Variants in PRKCI observed in about 807,000 individuals in gnomAD.
The protein encoded by PRKCI is protein kinase C iota, also known as protein kinase C iota type.
Under a neutral mutation model 84.0 loss-of-function variants are expected in PRKCI, and 43 were observed. The observed-to-expected ratio is 0.51, with a 90% CI of 0.40 to 0.66. The LOEUF is 0.66. Ranked by LOEUF, PRKCI falls within the 30% of genes least tolerant of loss-of-function variation. PRKCI has a pLI of 0.00. For missense variants in PRKCI, 459 were observed against 745.6 expected, an observed-to-expected ratio of 0.62 and a Z score of 4.48; for synonymous variants, 216 against 234.4, an observed-to-expected ratio of 0.92 and a Z score of 0.72.
chr3:170,280,096 A>G, intron 8 of PRKCI, 131 bp from the exon 9 acceptor site: 1 of 828,324 alleles, frequency 1.2e-6, no homozygotes, highest in Non-Finnish European at 1.7e-6. Context: ...TTTGAAAAAT[A>G]TTAAGAACTT....
chr3:170,285,106 G>T (rs1324404361), intron 12 of PRKCI, among the ~76,000 whole-genome samples: 4 of 148,836 alleles, frequency 2.7e-5, no homozygotes, highest in African/African-American at 7.4e-5. Flanking sequence ...TTGAGACAGG[G>T]TCTTGCTCTG....
chr3:170,230,590 G>A (rs745570072), intron 1 of PRKCI, among the ~76,000 whole-genome samples: 16 of 152,220 alleles, frequency 1.1e-4, no homozygotes, highest in African/African-American at 1.9e-4. Context: ...GTGGCCTCCC[G>A]AAGTGCTGGG....
At position 170,290,469 on chromosome 3, in the gene PRKCI, C is replaced by T. The variant is rs77445087; in HGVS notation, c.1204-1385C>T. ...AGTCTCTCTCTCTAATGTCTCTCTT[C>T]CTTCTCCCTCACTCCACACACACAT... On this transcript the variant is annotated intron_variant, in intron 12 of 17. Transcript: ENST00000295797. Among the ~76,000 whole-genome samples, 606 of 151,784 alleles carry T rather than the reference C, an allele frequency of 4.0e-3. 6 individuals are homozygous for T. Among genetic ancestry groups the T allele is most frequent in the African/African-American group, 0.014 (582 of 41,398 alleles).
intron 14 of PRKCI, among the ~76,000 whole-genome samples, chr3:170,293,873 G>T (rs914185452): frequency 3.3e-5 from 5 of 152,222 alleles, no homozygotes; most frequent in African/African-American, 9.6e-5. Context: ...TAGAGACAGG[G>T]TCTCACCATG....
At chr3:170,283,037 G>A (rs541620356) in intron 11 of PRKCI, among the ~76,000 whole-genome samples, 7 of 151,890 alleles carry the variant, frequency 4.6e-5, no homozygotes, top group African/African-American at 9.7e-5. Flanking sequence ...CCCGGGAGGC[G>A]GAGGTTGCAG....
At chr3:170,293,199 A>G in intron 13 of PRKCI, 184 bp from the exon 14 acceptor site, 1 of 454,500 alleles carries the variant, frequency 2.2e-6, no homozygotes, top group South Asian at 5.2e-5. Flanking sequence ...ATTATCTTTT[A>G]GGTACCTACC....
chr3:170,259,993 A>G lies in PRKCI; in HGVS notation c.248A>G (p.Gln83Arg). 6.2e-7 allele frequency: 1 copy of G among 1,612,778 alleles called. No homozygotes were observed. The highest frequency in any genetic ancestry group is 8.5e-7 in the Non-Finnish European group (1 of 1,179,288). The change falls in exon 3 of 18, where the codon CAG (glutamine) becomes CGG (arginine). Residue 83 changes from glutamine (Q) to arginine (R), a missense_variant. Gln to Arg is a conservative substitution (Grantham distance 43). Around this residue, in one of 2 missense-constraint regions of PRKCI, gnomAD observed 250 missense variants for 319.7 expected, o/e 0.78. Coordinates refer to ENST00000295797, the MANE Select transcript of PRKCI (RefSeq NM_002740.6). ...EEGDPCTVSS[Q>R]LELEEAFRLY... ...GGAGACCCGTGTACAGTATCATCTC[A>G]GTTGGAGTTAGAAGAAGCCTTTAGA... is the stretch of plus-strand genomic sequence containing the variant.
chr3:170,223,267 A>G (rs529617970), intron 1 of PRKCI, among the ~76,000 whole-genome samples: 4 of 152,252 alleles, frequency 2.6e-5, no homozygotes, highest in African/African-American at 9.6e-5. Flanking sequence ...CGTTGTGTTC[A>G]CGTAGTGTAT....
chr3:170,235,972 G>A (rs1415852996), intron 2 of PRKCI, among the ~76,000 whole-genome samples: 1 of 151,140 alleles, frequency 6.6e-6, no homozygotes, highest in East Asian at 1.9e-4. Context: ...ATTTTTTAAA[G>A]ACAGGGTCTT....
intron 1 of PRKCI, among the ~76,000 whole-genome samples, chr3:170,224,106 C>T (rs1330254992): frequency 7.4e-6 from 1 of 135,904 alleles, no homozygotes; most frequent in African/African-American, 2.7e-5. Context: ...GTGATGTTCC[C>T]CTTCCTGTGT....
intron 2 of PRKCI, among the ~76,000 whole-genome samples, chr3:170,240,637 G>A (rs1733106968): frequency 6.6e-6 from 1 of 152,078 alleles, no homozygotes; most frequent in Admixed American, 6.6e-5. Flanking sequence ...TTTTAATCAT[G>A]TAGGCATTGG....
Position 170,267,819 on chromosome 3 carries a change from C to T in PRKCI, c.365-96C>T, listed in dbSNP as rs1156465471. 9.1e-6 allele frequency: 7 copies of T among 767,896 alleles called. No individual in the cohort carries two copies. The Admixed American group carries it at 9.9e-5, about 11-fold the overall frequency. 47.6% of individuals were successfully genotyped at this position (767,896 alleles called of 1,614,324 possible). On this transcript the variant is annotated intron_variant, in intron 4 of 17. Transcript: ENST00000295797. ...TTTTTATCAGTATTTTTTTTTCTTG[C>T]AGTGAGTATCATGAAAAAATTACAG... is the stretch of plus-strand genomic sequence containing the variant.
intron 4 of PRKCI, among the ~76,000 whole-genome samples, chr3:170,265,972 T>C (rs918697517): frequency 6.6e-6 from 1 of 152,130 alleles, no homozygotes; most frequent in Non-Finnish European, 1.5e-5. Flanking sequence ...TTGAGAGCAT[T>C]GCAACTGGTC....
intron 12 of PRKCI, among the ~76,000 whole-genome samples, chr3:170,291,033 G>T (rs1734537543): frequency 6.6e-6 from 1 of 152,140 alleles, no homozygotes; most frequent in South Asian, 2.1e-4. Flanking sequence ...CTACTCTGGA[G>T]GCTGAGGCAG....
At chr3:170,222,947 T>C (rs992191485) in intron 1 of PRKCI, among the ~76,000 whole-genome samples, 177 bp downstream of exon 1, 7 of 149,506 alleles carry the variant, frequency 4.7e-5, no homozygotes. Context: ...AGCAAGGGGA[T>C]GCAGTACTGG....
intron 15 of PRKCI, among the ~76,000 whole-genome samples, chr3:170,296,720 A>G (rs1734692532): frequency 6.6e-6 from 1 of 152,188 alleles, no homozygotes; most frequent in Admixed American, 6.5e-5. Context: ...TTTTTCACAT[A>G]GTGAAAAATG....
At chr3:170,255,852 T>C (rs1733571128) in intron 2 of PRKCI, among the ~76,000 whole-genome samples, 3 of 152,202 alleles carry the variant, frequency 2.0e-5, no homozygotes, top group Admixed American at 2.0e-4. Context: ...TTTTTTTGGA[T>C]TTTTGTCATG....
chr3:170,284,608 T>C lies in PRKCI; in HGVS notation c.1203+12T>C. 1.2e-6 allele frequency: 2 copies of C among 1,604,736 alleles called. No homozygotes were observed. The highest frequency in any genetic ancestry group is 8.5e-7 in the Non-Finnish European group (1 of 1,177,732). Reference sequence around the variant, plus strand: ...ACGGCATGTGTAAGGTGAGGAAAATTTTCTAGTTATTTTAAAAGGTCTTCA... The same window carrying C: ...ACGGCATGTGTAAGGTGAGGAAAATCTTCTAGTTATTTTAAAAGGTCTTCA... On this transcript the variant is annotated intron_variant, in intron 12 of 17. Transcript: ENST00000295797.
chr3:170,230,497 A>T (rs890083404), intron 1 of PRKCI, among the ~76,000 whole-genome samples: 7 of 152,162 alleles, frequency 4.6e-5, no homozygotes, highest in Non-Finnish European at 8.8e-5. Context: ...TGTCCGGCTA[A>T]TTTTTTATTT....
Sources: allele counts gnomAD v4.1 joint callset (sites outside exome capture counted in the v4.1 genomes callset), GRCh38; gene constraint gnomAD v4.1.1; regional missense constraint gnomAD v4.1.1; transcripts MANE v1.5; gene names NCBI Gene and HGNC (gene_info 2026-07-23, HGNC 2026-07-21).